Variants in CPED1 observed in about 807,000 individuals in gnomAD.
CPED1 encodes cadherin like and PC-esterase domain containing 1, also known as cadherin-like and PC-esterase domain-containing protein 1.
A neutral mutation model predicts 128.2 loss-of-function variants in CPED1; 114 were observed. That is an observed-to-expected ratio of 0.89 (90% CI 0.76 to 1.04). CPED1 has a LOEUF of 1.04. CPED1 is among the 50% of genes least tolerant of loss of function. The pLI is 0.00. For synonymous variants in CPED1, 462 were observed against 426.7 expected, an observed-to-expected ratio of 1.08 and a Z score of -1.02; for missense variants, 1,211 against 1,207.1, an observed-to-expected ratio of 1.00 and a Z score of -0.05.
intron 2 of CPED1, among the ~76,000 whole-genome samples, chr7:120,990,271 T>C (rs539409849): frequency 4.6e-5 from 7 of 152,298 alleles, no homozygotes; most frequent in South Asian, 2.1e-4. Flanking sequence ...TCAGTATGAG[T>C]GCCCAGACCA....
intron 16 of CPED1, chr7:121,149,734 C>T (rs1406131015): frequency 2.0e-5 from 2 of 98,006 alleles, no homozygotes; most frequent in Non-Finnish European, 4.1e-5. Flanking sequence ...CTGAACTGGA[C>T]ACAGAAATAG....
intron 17 of CPED1, among the ~76,000 whole-genome samples, chr7:121,242,822 CT>C (rs1798428785): frequency 6.6e-6 from 1 of 151,970 alleles, no homozygotes; most frequent in South Asian, 2.1e-4. Context: ...CTCCGATTTT[CT>C]TTTATCTCTT....
At chr7:121,010,838 A>G (rs1434270989) in intron 2 of CPED1, among the ~76,000 whole-genome samples, 1 of 152,224 alleles carries the variant, frequency 6.6e-6, no homozygotes, top group Non-Finnish European at 1.5e-5. Context: ...CACCTTGCAT[A>G]TCCAGAAACC....
intron 2 of CPED1, among the ~76,000 whole-genome samples, chr7:121,001,667 C>T (rs1039192842): frequency 3.9e-5 from 6 of 152,110 alleles, no homozygotes; most frequent in Admixed American, 6.6e-5. Flanking sequence ...GTATCTGAAA[C>T]AGATCCTGCC....
chr7:121,084,073 T>C (rs143565994), intron 5 of CPED1, among the ~76,000 whole-genome samples: 1 of 152,334 alleles, frequency 6.6e-6, no homozygotes, highest in East Asian at 1.9e-4. Context: ...GAGATAGAAC[T>C]TGGATTCTAA....
At chr7:121,180,680 G>T (rs1314971244) in intron 16 of CPED1, among the ~76,000 whole-genome samples, 2 of 151,938 alleles carry the variant, frequency 1.3e-5, no homozygotes, top group East Asian at 3.9e-4. Flanking sequence ...CAATGGAGAA[G>T]AGAAGAGAGA....
chr7:121,141,193 T>C (rs1007883080), intron 15 of CPED1, among the ~76,000 whole-genome samples, 180 bp downstream of exon 15: 1 of 152,076 alleles, frequency 6.6e-6, no homozygotes, highest in Non-Finnish European at 1.5e-5. Flanking sequence ...AGCTCATCTT[T>C]GTAACAATAT....
At chr7:121,274,421 C>T (rs115980773) in intron 22 of CPED1, among the ~76,000 whole-genome samples, 198 of 148,536 alleles carry the variant, frequency 1.3e-3, no homozygotes, top group African/African-American at 3.3e-3. Flanking sequence ...ACACATAACT[C>T]GCTTTTTCTT....
intron 16 of CPED1, among the ~76,000 whole-genome samples, chr7:121,205,392 T>G (rs1183228185): frequency 3.3e-5 from 5 of 152,098 alleles, no homozygotes; most frequent in African/African-American, 1.2e-4. Context: ...CTGAGTGTTT[T>G]ATCCACTTTT....
chr7:121,240,815 A>G (rs915786172), intron 17 of CPED1, among the ~76,000 whole-genome samples: 1 of 149,398 alleles, frequency 6.7e-6, no homozygotes. Context: ...GACACACTCT[A>G]AGGCCTCTTC....
chr7:121,023,813 G>A (rs1792502032), intron 3 of CPED1, among the ~76,000 whole-genome samples: 2 of 152,078 alleles, frequency 1.3e-5, no homozygotes, highest in African/African-American at 4.8e-5. Context: ...GCACCCTACT[G>A]CTTTCCTGAG....
chr7:121,262,255 C>A (rs993705489), intron 18 of CPED1, among the ~76,000 whole-genome samples: 1 of 152,040 alleles, frequency 6.6e-6, no homozygotes, highest in Non-Finnish European at 1.5e-5. Context: ...GTATAGCCTG[C>A]AGAACTGTGA....
At chr7:121,072,184 A>AG (rs1411166455) in intron 5 of CPED1, among the ~76,000 whole-genome samples, 19 of 43,756 alleles carry the variant, frequency 4.3e-4, no homozygotes, top group African/African-American at 1.2e-3. Flanking sequence ...CTTTTCCTAT[A>AG]CAAAAAAAAA....
chr7:121,057,844 G>A (rs1793539825), intron 4 of CPED1, among the ~76,000 whole-genome samples: 1 of 152,134 alleles, frequency 6.6e-6, no homozygotes, highest in Admixed American at 6.5e-5. Context: ...GTAGACGGGG[G>A]AAAATAGTCG....
At chr7:121,179,235 A>G (rs2116492753) in intron 16 of CPED1, among the ~76,000 whole-genome samples, 1 of 152,218 alleles carries the variant, frequency 6.6e-6, no homozygotes. Flanking sequence ...GTGAGGGCAG[A>G]CGCTAGGCTG....
Position 121,175,780 on chromosome 7 carries a change from A to G in CPED1, c.2055+33639A>G, listed in dbSNP as rs1796761447. 1.3e-5 allele frequency among the ~76,000 whole-genome samples: 2 copies of G among 152,106 alleles called. 1 individual carries two copies. The highest frequency in any genetic ancestry group is 4.1e-4 in the South Asian group (2 of 4,830). ...AGCTACCACATTTTGGAACTTTTCA[A>G]TACAACAAGACTGTTGACCCACTGT... On this transcript the variant is annotated intron_variant, in intron 16 of 22. Transcript: ENST00000310396.
At chr7:121,185,705 C>G (rs1462541793) in intron 16 of CPED1, among the ~76,000 whole-genome samples, 1 of 152,184 alleles carries the variant, frequency 6.6e-6, no homozygotes, top group African/African-American at 2.4e-5. Flanking sequence ...CAACTACACT[C>G]CGTGAACGTA....
intron 4 of CPED1, among the ~76,000 whole-genome samples, chr7:121,050,598 G>A (rs1381755052): frequency 1.3e-5 from 2 of 150,566 alleles, no homozygotes; most frequent in Non-Finnish European, 2.9e-5. Context: ...GGAGCAGCTG[G>A]GATTACAGGC....
chr7:121,126,004 G>A, intron 9 of CPED1, 112 bp downstream of exon 9: 1 of 759,986 alleles, frequency 1.3e-6, no homozygotes, highest in Non-Finnish European at 2.3e-6. Context: ...ATAGCAATTT[G>A]CAAAAGTACT....
Sources: allele counts gnomAD v4.1 joint callset (sites outside exome capture counted in the v4.1 genomes callset), GRCh38; gene constraint gnomAD v4.1.1; transcripts MANE v1.5; gene names NCBI Gene and HGNC (gene_info 2026-07-23, HGNC 2026-07-21).